The following P3H3 variants were observed in gnomAD, a reference collection of about 807,000 sequenced individuals.
P3H3 encodes the protein gene rich cluster, B.
A neutral mutation model predicts 78.1 loss-of-function variants in P3H3; 64 were observed. The ratio of observed to expected loss-of-function variants is 0.82; its 90% confidence interval spans 0.67 to 1.01. P3H3 has a LOEUF of 1.01. P3H3 is among the 50% of genes least tolerant of loss of function. The pLI is 0.00. For missense variants in P3H3, 975 were observed against 982.2 expected, an observed-to-expected ratio of 0.99 and a Z score of 0.10; for synonymous variants, 425 against 416.7, an observed-to-expected ratio of 1.02 and a Z score of -0.24.
At chr12:6,838,931 C>G (rs1555122596) in intron 13 of P3H3, 69 bp from the exon 14 acceptor site, 4 of 1,427,690 alleles carry the variant, frequency 2.8e-6, no homozygotes, top group South Asian at 2.7e-5. Context: ...CCATCCTGCT[C>G]TAGGGAGTGA....
rs1414846771 is a variant in P3H3, at chr12:6,831,823, A to G, written c.1123-2A>G. ...CCTCACTGCTCATCATCTCACCCTC[A>G]GGACATCCAGCGCTTCATCCTCCGA... is the stretch of plus-strand genomic sequence containing the variant. On this transcript the variant is annotated splice_acceptor_variant, in intron 5 of 14. Coordinates refer to ENST00000290510, the MANE Select transcript of P3H3 (RefSeq NM_014262.5). LOFTEE classifies it high-confidence loss of function. The surrounding 1 kb of genome is among the most constrained non-coding windows in gnomAD (Gnocchi z 4.6). 6.3e-6 allele frequency: 10 copies of G among 1,595,204 alleles called. No individual in the cohort carries two copies. Among genetic ancestry groups the G allele is most frequent in the African/African-American group, 1.3e-5 (1 of 74,570 alleles).
intron 9 of P3H3, among the ~76,000 whole-genome samples, chr12:6,835,539 G>A (rs1280435485): frequency 6.6e-6 from 1 of 151,948 alleles, no homozygotes; most frequent in Non-Finnish European, 1.5e-5. Context: ...AGCCGAGATC[G>A]CACCATTGCA....
intron 13 of P3H3, among the ~76,000 whole-genome samples, chr12:6,838,278 C>A (rs886374947): frequency 6.6e-6 from 1 of 152,208 alleles, no homozygotes; most frequent in East Asian, 1.9e-4. Context: ...CTTGCAGGTG[C>A]CTCCAGGACT....
Position 6,830,728 on chromosome 12 carries a change from C to G in P3H3, c.943C>G (p.Leu315Val). Residue 315 changes from leucine (L) to valine (V), a missense_variant, in exon 4 of 15, where the codon CTT becomes GTT. Leu to Val is a conservative substitution (Grantham distance 32). Coordinates refer to ENST00000290510, the MANE Select transcript of P3H3 (RefSeq NM_014262.5). ...PGRSFPVPDF[L>V]PNQLRRLHEA... Reference sequence around the variant, plus strand: ...TCGCAGCTTCCCTGTCCCAGACTTCCTTCCCAACCAGCTGAGGCGGCTACA... The same window carrying G: ...TCGCAGCTTCCCTGTCCCAGACTTCGTTCCCAACCAGCTGAGGCGGCTACA... 2 of 1,613,972 alleles carry G rather than the reference C, an allele frequency of 1.2e-6. No individual in the cohort carries two copies. The highest frequency in any genetic ancestry group is 1.7e-6 in the Non-Finnish European group (2 of 1,179,876).
chr12:6,830,718 C>G lies in P3H3; in HGVS notation c.933C>G (p.Val311=). The G allele has an allele frequency of 6.2e-7, 1 of 1,613,896 alleles. No individual in the cohort carries two copies. Among genetic ancestry groups the G allele is most frequent in the East Asian group, 2.2e-5 (1 of 44,874 alleles). ...CACGCCCTGGTCGCAGCTTCCCTGT[C>G]CCAGACTTCCTTCCCAACCAGCTGA... ...TATRPGRSFP[V]PDFLPNQLRR... Residue 311 remains valine (V), a synonymous_variant, in exon 4 of 15, where the codon GTC becomes GTG. Coordinates refer to ENST00000290510, the MANE Select transcript of P3H3 (RefSeq NM_014262.5).
Position 6,829,921 on chromosome 12 carries a change from C to G in P3H3, c.561C>G (p.His187Gln), listed in dbSNP as rs1555121045. 1 of 1,614,030 alleles carries G rather than the reference C, an allele frequency of 6.2e-7. No individual in the cohort carries two copies. The highest frequency in any genetic ancestry group is 1.1e-5 in the South Asian group (1 of 91,088). ...CCTTCTTTGTAGCAAACCCCATGCACCTGCAGATGCGGGAGGACATGGCTA... is the reference window on the plus strand; with the variant it reads ...CCTTCTTTGTAGCAAACCCCATGCAGCTGCAGATGCGGGAGGACATGGCTA... Reference protein sequence around the residue: ...AHTFFVANPMHLQMREDMAKY... With the variant: ...AHTFFVANPMQLQMREDMAKY... Residue 187 changes from histidine to glutamine, a missense_variant, in exon 2 of 15, where the codon CAC becomes CAG. By Grantham distance (24) the His-to-Gln change is conservative. Transcript: ENST00000290510. The surrounding 1 kb of genome is among the most constrained non-coding windows in gnomAD (Gnocchi z 5.1).
chr12:6,828,439 T>A lies in P3H3; in HGVS notation c.-2T>A. ...CCCTCGGCTGCCGGCGGCTCCGACA[T>A]CATGCTCCGGCTCCTCCGGCCGCTG... On this transcript the variant is annotated 5_prime_UTR_variant, in exon 1 of 15. Transcript: ENST00000290510. 1.7e-6 allele frequency: 1 copy of A among 589,308 alleles called. No individual in the cohort carries two copies. The highest frequency in any genetic ancestry group is 1.9e-5 in the South Asian group (1 of 53,366). 36.5% of individuals were successfully genotyped at this position (589,308 alleles called of 1,614,324 possible).
In P3H3 at chr12:6,839,601, G is replaced by GGTGC; in HGVS notation, c.*140_*141insGTGC. The GGTGC allele has an allele frequency of 2.9e-6, 3 of 1,040,580 alleles. No homozygotes were observed. Among genetic ancestry groups the GGTGC allele is most frequent in the South Asian group, 1.6e-5 (1 of 60,812 alleles). The allele number at this position is 1,040,580 out of a possible 1,614,324, so 64.5% of individuals were successfully genotyped here. On this transcript the variant is annotated 3_prime_UTR_variant, in exon 15 of 15. Coordinates refer to ENST00000290510, the MANE Select transcript of P3H3 (RefSeq NM_014262.5). ...GTCCCTGCACCCCCACCATCTTGGG[G>GGTGC]ACCTACAAGGGCCTGGACTCAGAGG...
In P3H3 at chr12:6,830,762, A is replaced by T. The variant is rs782426975; in HGVS notation, c.977A>T (p.His326Leu). 1.9e-6 allele frequency: 3 copies of T among 1,613,974 alleles called. No homozygotes were observed. The East Asian group carries it at 6.7e-5, about 36-fold the overall frequency. ...PNQLRRLHEAHAQVGNLSQAI... is the reference protein window; with the variant it reads ...PNQLRRLHEALAQVGNLSQAI... Reference sequence around the variant, plus strand: ...CAGCTGAGGCGGCTACATGAGGCCCATGCTCAGGGTCAGTTGGGGAAGGGT... The same window carrying T: ...CAGCTGAGGCGGCTACATGAGGCCCTTGCTCAGGGTCAGTTGGGGAAGGGT... Residue 326 changes from histidine (H) to leucine (L), a missense_variant, in exon 4 of 15, where the codon CAT (histidine) becomes CTT (leucine). Physicochemically the swap from His to Leu is moderately conservative, Grantham distance 99. Transcript: ENST00000290510.
At chr12:6,830,171 C>A (rs1943433212) in intron 2 of P3H3, among the ~76,000 whole-genome samples, 160 bp downstream of exon 2, 1 of 152,200 alleles carries the variant, frequency 6.6e-6, no homozygotes, top group Non-Finnish European at 1.5e-5. Flanking sequence ...CGTTTCCTTC[C>A]TGGATGATCA....
chr12:6,837,929 C>T, intron 12 of P3H3, 29 bp from the exon 13 acceptor site: 5 of 1,594,884 alleles, frequency 3.1e-6, no homozygotes, highest in East Asian at 2.3e-5. Context: ...GTTGGGGTCT[C>T]ACTGCCTCTT....
Position 6,833,791 on chromosome 12 carries a change from C to A in P3H3, c.1315C>A (p.Pro439Thr), listed in dbSNP as rs1565512837. 2 of 1,612,018 alleles carry A rather than the reference C, an allele frequency of 1.2e-6. No homozygotes were observed. Among genetic ancestry groups the A allele is most frequent in the Non-Finnish European group, 1.7e-6 (2 of 1,178,160 alleles). Residue 439 changes from proline to threonine, a missense_variant, in exon 8 of 15, where the codon CCC becomes ACC. Transcript: ENST00000290510. The part of the protein sequence containing the change: ...PWDHEPVKPK[P>T]LTYWKDVLLL... ...GGACCATGAGCCCGTGAAGCCAAAG[C>A]CCTTGACCTACTGGAAGGGTGAGTT... is the stretch of plus-strand genomic sequence containing the variant.
chr12:6,828,871 G>A lies in P3H3; in HGVS notation c.431G>A (p.Gly144Glu), dbSNP rs1375743252. 4.8e-6 allele frequency: 6 copies of A among 1,247,026 alleles called. No homozygotes were observed. The African/African-American group carries it at 9.3e-5, about 19-fold the overall frequency. The allele number at this position is 1,247,026 out of a possible 1,614,324, so 77.2% of individuals were successfully genotyped here. A position where few individuals can be genotyped will look rare whatever the true frequency, so the allele number is the denominator to read the frequency against. The change falls in exon 1 of 15, where the codon GGG (glycine) becomes GAG (glutamate). Residue 144 changes from glycine to glutamate, a missense_variant. Transcript: ENST00000290510. Reference protein sequence around the residue: ...GPGGAARLRVGSALRDAFRRR... With the variant: ...GPGGAARLRVESALRDAFRRR... ...GGGGGCGCGGCGCGGCTTCGCGTGG[G>A]GAGCGCGCTCCGGGACGCCTTCCGC...
At chr12:6,832,437 A>G (rs1555121582) in intron 6 of P3H3, among the ~76,000 whole-genome samples, 1 of 152,128 alleles carries the variant, frequency 6.6e-6, no homozygotes, top group African/African-American at 2.4e-5. Flanking sequence ...GAGGGTGTTC[A>G]GCAGCTTCCC....
At chr12:6,833,433 A>T in intron 6 of P3H3, 159 bp from the exon 7 acceptor site, 1 of 663,148 alleles carries the variant, frequency 1.5e-6, no homozygotes, top group Admixed American at 2.3e-5. Flanking sequence ...TTACAGTTTG[A>T]TCCACTGCCC....
In P3H3 at chr12:6,830,621, T is replaced by C. The variant is rs1247098077; in HGVS notation, c.854-18T>C. The C allele has an allele frequency of 3.1e-6, 5 of 1,606,486 alleles. No homozygotes were observed. The East Asian group carries it at 8.9e-5, about 29-fold the overall frequency. On this transcript the variant is annotated intron_variant, in intron 3 of 14. Coordinates refer to ENST00000290510, the MANE Select transcript of P3H3 (RefSeq NM_014262.5). ...AGGGGCATGAACAAGCTGAATGGCTTATGGGTTTCCTCTGCAGGACACTGG... is the reference window on the plus strand; with the variant it reads ...AGGGGCATGAACAAGCTGAATGGCTCATGGGTTTCCTCTGCAGGACACTGG...
Position 6,837,029 on chromosome 12 carries a change from C to G in P3H3, c.1503C>G (p.Arg501=). 6.2e-7 allele frequency: 1 copy of G among 1,609,264 alleles called. No individual in the cohort carries two copies. Among genetic ancestry groups the G allele is most frequent in the Non-Finnish European group, 8.5e-7 (1 of 1,179,834 alleles). ...CCAGGTCTGGCTATCGTGGTCGCCG[C>G]TCCCCTCACACCCCCCATGAACGCT... The part of the protein sequence containing the change: ...AGARSGYRGR[R]SPHTPHERFE... The change falls in exon 10 of 15, where the codon CGC becomes CGG. Residue 501 remains arginine, a synonymous_variant. Transcript: ENST00000290510.
chr12:6,830,312 C>A lies in P3H3; in HGVS notation c.652-41C>A, dbSNP rs188914628. 6.0e-4 allele frequency: 924 copies of A among 1,548,696 alleles called. 9 individuals carry two copies. The African/African-American group carries it at 0.011, about 18-fold the overall frequency. On this transcript the variant is annotated intron_variant, in intron 2 of 14. Coordinates refer to ENST00000290510, the MANE Select transcript of P3H3 (RefSeq NM_014262.5). The stretch of plus-strand genomic sequence containing the variant: ...TCCTCTCTACCTCCCAGTTTGGCAA[C>A]CCCTGGATCTTAGGTGACTGACTGC...
Position 6,829,729 on chromosome 12 carries a change from T to A in P3H3, c.499-130T>A, listed in dbSNP as rs1943426393. The A allele has an allele frequency of 1.1e-6, 1 of 930,874 alleles. No homozygotes were observed. Among genetic ancestry groups the A allele is most frequent in the Non-Finnish European group, 1.7e-6 (1 of 595,840 alleles). 57.7% of individuals were successfully genotyped at this position (930,874 alleles called of 1,614,324 possible). A position where few individuals can be genotyped will look rare whatever the true frequency, so the allele number is the denominator to read the frequency against. Reference sequence around the variant, plus strand: ...AGTTCGGGCGGTGGGCGGTTCTGATTGGCCAGTCTTCCATGAGGCTCTGGG... The same window carrying A: ...AGTTCGGGCGGTGGGCGGTTCTGATAGGCCAGTCTTCCATGAGGCTCTGGG... On this transcript the variant is annotated intron_variant, in intron 1 of 14. Transcript: ENST00000290510. This position sits in a 1 kb window ranked among gnomAD's most constrained non-coding sequence, Gnocchi z 5.1.
Sources: allele counts gnomAD v4.1 joint callset (sites outside exome capture counted in the v4.1 genomes callset), GRCh38; gene constraint gnomAD v4.1.1; non-coding constraint Gnocchi (gnomAD v3.1); transcripts MANE v1.5; gene names NCBI Gene and HGNC (gene_info 2026-07-23, HGNC 2026-07-21).